Variants in ZMYND8 observed in about 807,000 individuals in gnomAD.
ZMYND8 encodes MYND-type zinc finger-containing chromatin reader ZMYND8.
Under a neutral mutation model 140.8 loss-of-function variants are expected in ZMYND8, and 37 were observed. The ratio of observed to expected loss-of-function variants is 0.26; its 90% CI spans 0.20 to 0.35. ZMYND8 has a LOEUF of 0.35. ZMYND8 is among the 10% of genes least tolerant of loss of function. The pLI is 1.00. For missense variants in ZMYND8, 1,068 were observed against 1,570.0 expected (o/e 0.68, Z 5.40); for synonymous variants, 592 against 597.1 (o/e 0.99, Z 0.12).
At chr20:47,295,355 T>A (rs935028416) in intron 4 of ZMYND8, among the ~76,000 whole-genome samples, 1 of 152,228 alleles carries the variant, frequency 6.6e-6, no homozygotes. Flanking sequence ...ATTGTGCCAC[T>A]GCACTCTAGC....
intron 17 of ZMYND8, among the ~76,000 whole-genome samples, chr20:47,227,796 A>C (rs895942236): frequency 5.3e-5 from 8 of 152,200 alleles, no homozygotes; most frequent in Admixed American, 2.6e-4. Context: ...TAGGAAACTA[A>C]TTAAACAGTG....
chr20:47,350,067 G>C, intron 1 of ZMYND8: 4 of 1,385,154 alleles, frequency 2.9e-6, no homozygotes, highest in Non-Finnish European at 3.7e-6. Context: ...TGCTGGAGCA[G>C]AAGAGAGAGG....
intron 12 of ZMYND8, among the ~76,000 whole-genome samples, chr20:47,252,812 A>G (rs2074295925): frequency 6.6e-6 from 1 of 152,074 alleles, no homozygotes; most frequent in Non-Finnish European, 1.5e-5. Flanking sequence ...CCAGCTACTC[A>G]GGAGGCTAAG....
chr20:47,224,229 A>G lies in ZMYND8; in HGVS notation c.3256+88T>C, dbSNP rs147859101. 4.1e-5 allele frequency: 65 copies of G among 1,567,276 alleles called. No homozygotes were observed. In the East Asian group the frequency reaches 1.1e-3, roughly 26 times the overall value. ...AGAAGCCAGGCAAGCTCCCTTGACA[A>G]TTAGCCCTGAGACCCCTGAAGTCCA... On this transcript the variant is annotated intron_variant, in intron 19 of 22. Coordinates refer to ENST00000471951, the MANE Select transcript of ZMYND8 (RefSeq NM_001281775.3).
chr20:47,318,616 A>G, intron 2 of ZMYND8: 1 of 405,550 alleles, frequency 2.5e-6, no homozygotes, highest in South Asian at 1.7e-5. Context: ...CGCTCGCATT[A>G]GCAAATGATT....
chr20:47,244,808 G>C, intron 14 of ZMYND8, among the ~76,000 whole-genome samples: 1 of 152,234 alleles, frequency 6.6e-6, no homozygotes, highest in Non-Finnish European at 1.5e-5. Flanking sequence ...TGTAATCCCA[G>C]CACTTTAGGA....
At chr20:47,355,538 T>A (rs2083150959) in intron 1 of ZMYND8, 1 of 983,122 alleles carries the variant, frequency 1.0e-6, no homozygotes, top group Non-Finnish European at 1.2e-6. Flanking sequence ...AAAAAGGAAA[T>A]TTTTTTAAAC....
rs367621746 is a variant in ZMYND8, at chr20:47,272,065, GGA to G, written c.1480+4247_1480+4248del. 3.3e-3 allele frequency among the ~76,000 whole-genome samples: 494 copies of G among 151,094 alleles called. 3 individuals carry two copies. The South Asian group carries it at 0.043, about 13-fold the overall frequency. On this transcript the variant is annotated intron_variant, in intron 11 of 22. Coordinates refer to ENST00000471951, the MANE Select transcript of ZMYND8 (RefSeq NM_001281775.3). Reference sequence around the variant, plus strand: ...TCACAATTATAAAAAAAGGGGGGGGGGAGTAATATGAAACCTCTTTTTTTTTC... The same window carrying G: ...TCACAATTATAAAAAAAGGGGGGGGGGTAATATGAAACCTCTTTTTTTTTC...
chr20:47,268,375 G>T (rs1343036296), intron 11 of ZMYND8, among the ~76,000 whole-genome samples: 1 of 148,802 alleles, frequency 6.7e-6, no homozygotes. Flanking sequence ...CTCACTGCAG[G>T]CTCCGCCTCC....
At chr20:47,315,510 A>AG (rs1189409461) in intron 2 of ZMYND8, among the ~76,000 whole-genome samples, 4 of 152,030 alleles carry the variant, frequency 2.6e-5, no homozygotes, top group Non-Finnish European at 5.9e-5. Flanking sequence ...ATGAGACAGC[A>AG]GGGGGGCATT....
chr20:47,292,499 G>A (rs1177039783), intron 5 of ZMYND8, among the ~76,000 whole-genome samples: 1 of 152,040 alleles, frequency 6.6e-6, no homozygotes, highest in African/African-American at 2.4e-5. Context: ...GTTTAAAAGA[G>A]TCCAATTTGT....
chr20:47,220,132 C>CCA, intron 21 of ZMYND8, 126 bp downstream of exon 21: 2 of 847,326 alleles, frequency 2.4e-6, no homozygotes, highest in South Asian at 3.3e-5. Flanking sequence ...CCCCAGGCAC[C>CCA]CCTAAGGATC....
At chr20:47,349,886 ACATT>A in intron 1 of ZMYND8, 1 of 1,535,636 alleles carries the variant, frequency 6.5e-7, no homozygotes, top group South Asian at 1.2e-5. Context: ...AGCGATGAAA[ACATT>A]CAAAGGTGTA....
chr20:47,352,272 G>A (rs886075604), intron 1 of ZMYND8, among the ~76,000 whole-genome samples: 11 of 152,156 alleles, frequency 7.2e-5, no homozygotes, highest in African/African-American at 2.7e-4. Flanking sequence ...AGGACAGCAG[G>A]CATCTGAAAA....
chr20:47,246,260 C>G lies in ZMYND8; in HGVS notation c.2032G>C (p.Ala678Pro), dbSNP rs749712914. 4.3e-5 allele frequency: 70 copies of G among 1,614,074 alleles called. No homozygotes were observed. The highest frequency in any genetic ancestry group is 5.9e-5 in the Non-Finnish European group (70 of 1,180,042). Residue 678 changes from alanine to proline, a missense_variant, in exon 14 of 23, where the codon GCA becomes CCA. Ala to Pro is a conservative substitution (Grantham distance 27, BLOSUM62 -1). Coordinates refer to ENST00000471951, the MANE Select transcript of ZMYND8 (RefSeq NM_001281775.3). ...LKSTSPASEK[A>P]DPGAVKDKAS... ...TTGTCCTTGACTGCTCCAGGGTCTG[C>G]CTTCTCGCTGGCTGGTGACGTGCTT...
At position 47,351,935 on chromosome 20, in the gene ZMYND8, T is replaced by TA. The variant is rs1054868105; in HGVS notation, c.15-4010dup. The TA allele has an allele frequency of 4.6e-5, 45 of 985,030 alleles. No individual in the cohort carries two copies. The African/African-American group carries it at 6.3e-4, about 14-fold the overall frequency. The allele number at this position is 985,030 out of a possible 1,614,324, so 61.0% of individuals were successfully genotyped here. On this transcript the variant is annotated intron_variant, in intron 1 of 22. Coordinates refer to ENST00000471951, the MANE Select transcript of ZMYND8 (RefSeq NM_001281775.3). Reference sequence around the variant, plus strand: ...ACCAACAACCCAACGTTTAGAAGCTTAAAAAAAACTCTGCAATGACAGGGA... The same window carrying TA: ...ACCAACAACCCAACGTTTAGAAGCTTAAAAAAAAACTCTGCAATGACAGGGA...
intron 2 of ZMYND8, among the ~76,000 whole-genome samples, chr20:47,340,292 G>C (rs1447301666): frequency 1.3e-5 from 2 of 149,250 alleles, no homozygotes; most frequent in Admixed American, 6.6e-5. Flanking sequence ...CAAATCATTG[G>C]GGTAAGTAAG....
intron 2 of ZMYND8, chr20:47,319,931 C>T (rs1466605125): frequency 6.7e-6 from 1 of 150,054 alleles, no homozygotes; most frequent in Non-Finnish European, 1.5e-5. Flanking sequence ...TCAAACTCGA[C>T]CGGAACACCA....
chr20:47,211,638 C>T (rs1056436039), intron 22 of ZMYND8, among the ~76,000 whole-genome samples: 1 of 152,192 alleles, frequency 6.6e-6, no homozygotes, highest in Non-Finnish European at 1.5e-5. Flanking sequence ...CCCAGATCTG[C>T]AGCTCTGCTA....
Sources: gnomAD v4.1 joint callset for allele counts (sites outside exome capture counted in the v4.1 genomes callset) on GRCh38, gnomAD v4.1.1 for gene constraint, MANE v1.5 for transcripts, NCBI Gene and HGNC (gene_info 2026-07-23, HGNC 2026-07-21) for gene names.